SLC14A2: variants seen among roughly 807,000 people sequenced by gnomAD.
SLC14A2 encodes urea transporter 2.
SLC14A2 carries 91 observed loss-of-function variants against 104.6 expected under a neutral mutation model. The ratio of observed to expected loss-of-function variants is 0.87; its 90% CI spans 0.73 to 1.04. SLC14A2 has a LOEUF of 1.04. SLC14A2 is among the 50% of genes least tolerant of loss of function. SLC14A2 has a pLI of 0.00. For synonymous variants in SLC14A2, 476 were observed against 466.4 expected (o/e 1.02, Z -0.27); for missense variants, 1,189 against 1,156.0 (o/e 1.03, Z -0.41).
chr18:45,556,570 T>C (rs1297851732), intron 2 of SLC14A2, among the ~76,000 whole-genome samples: 1 of 152,340 alleles, frequency 6.6e-6, no homozygotes. Flanking sequence ...ATTTATTTAA[T>C]CTCTCTATGT....
chr18:45,454,356 C>A (rs2086907069), intron 1 of SLC14A2, among the ~76,000 whole-genome samples: 2 of 152,132 alleles, frequency 1.3e-5, no homozygotes, highest in South Asian at 2.1e-4. Context: ...TAAGAAATGT[C>A]TTTTTCTTGT....
the SLC14A2 span, among the ~76,000 whole-genome samples, chr18:45,170,412 TTAAAG>T: frequency 4.6e-5 from 7 of 152,180 alleles, no homozygotes; most frequent in Non-Finnish European, 8.8e-5. Context: ...TGAAAGGAAG[TTAAAG>T]TAAAGAACTT....
At position 45,673,876 on chromosome 18, in the gene SLC14A2, T is replaced by A. The variant is rs937991296; in HGVS notation, c.2512+59T>A. The A allele has an allele frequency of 1.8e-5, 27 of 1,519,040 alleles. No homozygotes were observed. The African/African-American group carries it at 3.2e-4, about 18-fold the overall frequency. 94.1% of individuals were successfully genotyped at this position (1,519,040 alleles called of 1,614,324 possible). A position where few individuals can be genotyped will look rare whatever the true frequency, so the allele number is the denominator to read the frequency against. ...ATAAAAGGCTTTTTACATAAAACTG[T>A]TTTTTTATGTTTTTTAATGGTTATT... On this transcript the variant is annotated intron_variant, in intron 18 of 19. Transcript: ENST00000255226.
intron 1 of SLC14A2, among the ~76,000 whole-genome samples, chr18:45,620,439 T>C (rs963404461): frequency 3.3e-5 from 5 of 152,230 alleles, no homozygotes; most frequent in Non-Finnish European, 7.3e-5. Flanking sequence ...AAGGACATGA[T>C]TTATCTGTAA....
At chr18:45,237,344 G>A (rs982369253) in intron 1 of SLC14A2, among the ~76,000 whole-genome samples, 4 of 152,100 alleles carry the variant, frequency 2.6e-5, no homozygotes, top group African/African-American at 9.7e-5. Flanking sequence ...AGTGTCCCTG[G>A]TTACGTATAA....
intron 2 of SLC14A2, among the ~76,000 whole-genome samples, chr18:45,526,766 AT>A (rs2043598738): frequency 6.6e-6 from 1 of 152,104 alleles, no homozygotes; most frequent in African/African-American, 2.4e-5. Flanking sequence ...ATGGAACAAG[AT>A]TGTAAGGCCT....
At chr18:45,679,126 C>T (rs1002563662) in intron 19 of SLC14A2, 102 bp downstream of exon 19, 2 of 1,046,664 alleles carry the variant, frequency 1.9e-6, no homozygotes, top group African/African-American at 3.2e-5. Flanking sequence ...GAACTCTTCC[C>T]CAGTTCATCT....
chr18:45,320,901 A>T (rs1370477966), intron 1 of SLC14A2, among the ~76,000 whole-genome samples: 1 of 152,204 alleles, frequency 6.6e-6, no homozygotes, highest in Non-Finnish European at 1.5e-5. Context: ...TCTGACTACA[A>T]CATCATCTGC....
chr18:45,532,725 C>T (rs1446747856), intron 2 of SLC14A2, among the ~76,000 whole-genome samples: 2 of 152,096 alleles, frequency 1.3e-5, no homozygotes, highest in Non-Finnish European at 2.9e-5. Flanking sequence ...CCAGAACTTC[C>T]AACACTATGT....
At chr18:45,325,284 A>G (rs1470431846) in intron 1 of SLC14A2, among the ~76,000 whole-genome samples, 1 of 152,222 alleles carries the variant, frequency 6.6e-6, no homozygotes, top group African/African-American at 2.4e-5. Context: ...CTTTCAGGAT[A>G]CACAGCTTCT....
At chr18:45,179,054 C>CTATATTTA in the SLC14A2 span, among the ~76,000 whole-genome samples, 1 of 152,038 alleles carries the variant, frequency 6.6e-6, no homozygotes, top group Non-Finnish European at 1.5e-5. Flanking sequence ...GTCTTTAATC[C>CTATATTTA]CCAAGTCTGT....
chr18:45,466,672 GTAGTCATAA>G (rs935286379), intron 1 of SLC14A2, among the ~76,000 whole-genome samples: 5 of 150,694 alleles, frequency 3.3e-5, no homozygotes, highest in African/African-American at 1.2e-4. Context: ...AACAAGTAGG[GTAGTCATAA>G]GAGAGAAGGC....
At chr18:45,638,462 A>C (rs1056117053) in intron 6 of SLC14A2, among the ~76,000 whole-genome samples, 3 of 152,196 alleles carry the variant, frequency 2.0e-5, no homozygotes, top group Non-Finnish European at 2.9e-5. Flanking sequence ...CAAAGGGAGA[A>C]ACTAAATTAT....
chr18:45,409,674 G>A (rs569563608), intron 1 of SLC14A2, among the ~76,000 whole-genome samples: 4 of 152,056 alleles, frequency 2.6e-5, no homozygotes, highest in Admixed American at 2.6e-4. Context: ...TTACAGGATG[G>A]TCCTTAGATG....
At chr18:45,549,164 G>T (rs1327264753) in intron 2 of SLC14A2, among the ~76,000 whole-genome samples, 1 of 152,210 alleles carries the variant, frequency 6.6e-6, no homozygotes, top group African/African-American at 2.4e-5. Context: ...GACCACAAGG[G>T]GCCTCACCAT....
chr18:45,216,990 C>T (rs1052155680), intron 1 of SLC14A2, among the ~76,000 whole-genome samples: 2 of 152,070 alleles, frequency 1.3e-5, no homozygotes, highest in African/African-American at 4.8e-5. Flanking sequence ...CATTGAGTTG[C>T]CAGGCTTGGC....
intron 1 of SLC14A2, among the ~76,000 whole-genome samples, chr18:45,387,339 C>G (rs1043748784): frequency 2.0e-5 from 3 of 152,140 alleles, no homozygotes; most frequent in African/African-American, 7.2e-5. Flanking sequence ...CTATGCCCTG[C>G]CCCCCAAACA....
At chr18:45,262,650 G>A (rs2084551525) in intron 1 of SLC14A2, among the ~76,000 whole-genome samples, 1 of 152,128 alleles carries the variant, frequency 6.6e-6, no homozygotes, top group Admixed American at 6.5e-5. Flanking sequence ...TCCCCTTCCT[G>A]GTAATCAGAG....
chr18:45,214,752 TTA>T (rs1409603042), intron 1 of SLC14A2, among the ~76,000 whole-genome samples: 5 of 152,190 alleles, frequency 3.3e-5, no homozygotes, highest in Non-Finnish European at 7.4e-5. Context: ...TTTATCCAGA[TTA>T]TGTTTCAGAT....
Sources: allele counts gnomAD v4.1 joint callset (sites outside exome capture counted in the v4.1 genomes callset), GRCh38; gene constraint gnomAD v4.1.1; transcripts MANE v1.5; gene names NCBI Gene and HGNC (gene_info 2026-07-23, HGNC 2026-07-21).